LRRIQ1: variants seen among roughly 807,000 people sequenced by gnomAD.
LRRIQ1 encodes the protein leucine rich repeats and IQ motif containing 1, also known as leucine-rich repeat- and IQ domain-containing protein 1.
Under a neutral mutation model 211.9 loss-of-function variants are expected in LRRIQ1, and 210 were observed. The ratio of observed to expected loss-of-function variants is 0.99; its 90% CI spans 0.89 to 1.11. The LOEUF (loss-of-function observed/expected upper bound fraction) is 1.11. Ranked by LOEUF, LRRIQ1 falls within the 50% of genes most tolerant of loss-of-function variation. LRRIQ1 has a pLI of 0.00. For missense variants in LRRIQ1, 2,136 were observed against 1,939.5 expected, an observed-to-expected ratio of 1.10 and a Z score of -1.90; for synonymous variants, 699 against 650.1, an observed-to-expected ratio of 1.08 and a Z score of -1.14.
At chr12:85,190,513 A>G (rs1345826026) in intron 24 of LRRIQ1, among the ~76,000 whole-genome samples, 1 of 148,346 alleles carries the variant, frequency 6.7e-6, no homozygotes, top group Non-Finnish European at 1.5e-5. Flanking sequence ...TATGTGCATT[A>G]ATATAAGTGA....
At chr12:85,189,299 A>T (rs557402807) in intron 24 of LRRIQ1, among the ~76,000 whole-genome samples, 1 of 152,206 alleles carries the variant, frequency 6.6e-6, no homozygotes, top group East Asian at 1.9e-4. Context: ...CAGCTCTGGC[A>T]TTACTGTATT....
At position 85,229,513 on chromosome 12, in the gene LRRIQ1, A is replaced by G. The variant is rs769906419; in HGVS notation, c.4823-4A>G. 24 of 1,591,924 alleles carry G rather than the reference A, an allele frequency of 1.5e-5. No homozygotes were observed. The African/African-American group carries it at 3.1e-4, about 21-fold the overall frequency. On this transcript the variant is annotated splice_polypyrimidine_tract_variant and splice_region_variant and intron_variant, in intron 24 of 26. Transcript: ENST00000393217. ...TAAGTACACGTTCCATATTTCTTTCACAGGTATAGAAGAAGACCCTATCCA... is the reference window on the plus strand; with the variant it reads ...TAAGTACACGTTCCATATTTCTTTCGCAGGTATAGAAGAAGACCCTATCCA...
At chr12:85,252,400 G>C (rs891156415) in intron 1 of LRRIQ1, among the ~76,000 whole-genome samples, 3 of 151,748 alleles carry the variant, frequency 2.0e-5, no homozygotes, top group African/African-American at 7.3e-5. Context: ...AATTAAAGAC[G>C]CTGAGGAAGA....
intron 17 of LRRIQ1, among the ~76,000 whole-genome samples, chr12:85,127,554 GATACAAGATCTCT>G (rs1471172783): frequency 6.6e-6 from 1 of 152,050 alleles, no homozygotes. Flanking sequence ...TCCCCAGAAT[GATACAAGATCTCT>G]ATAAATCTCT....
chr12:85,086,760 A>G (rs1884866798), intron 11 of LRRIQ1, among the ~76,000 whole-genome samples: 1 of 152,024 alleles, frequency 6.6e-6, no homozygotes, highest in South Asian at 2.1e-4. Context: ...CAACAACTAG[A>G]AAGTGACAGA....
chr12:85,124,362 G>C lies in LRRIQ1; in HGVS notation c.3850G>C (p.Glu1284Gln). 1 of 1,614,086 alleles carries C rather than the reference G, an allele frequency of 6.2e-7. No homozygotes were observed. The highest frequency in any genetic ancestry group is 8.5e-7 in the Non-Finnish European group (1 of 1,180,036). The change falls in exon 17 of 27, where the codon GAA (glutamate) becomes CAA (glutamine). Residue 1284 changes from glutamate to glutamine, a missense_variant. Transcript: ENST00000393217. The part of the protein sequence containing the change: ...HSPLSKSATC[E>Q]NMEGRHQEIL... ...CCCATTAAGCAAATCCGCCACATGTGAAAATATGGAAGGAAGACATCAGGA... is the reference window on the plus strand; with the variant it reads ...CCCATTAAGCAAATCCGCCACATGTCAAAATATGGAAGGAAGACATCAGGA...
intron 24 of LRRIQ1, among the ~76,000 whole-genome samples, chr12:85,167,254 G>C (rs1459518408): frequency 1.3e-5 from 2 of 152,224 alleles, no homozygotes; most frequent in East Asian, 1.9e-4. Flanking sequence ...ATTAGTCAGG[G>C]TTCTCTAGAG....
intron 21 of LRRIQ1, 93 bp from the exon 22 acceptor site, chr12:85,153,570 C>A (rs1890364439): frequency 3.8e-6 from 3 of 781,194 alleles, no homozygotes; most frequent in Non-Finnish European, 6.0e-6. Context: ...GATTTTATTT[C>A]CAAGTTTGAG....
In LRRIQ1 at chr12:85,066,749, A is replaced by G; in HGVS notation, c.2546A>G (p.Glu849Gly). 1 of 1,581,110 alleles carries G rather than the reference A, an allele frequency of 6.3e-7. No individual in the cohort carries two copies. ...CKKLKYIDAQ[E>G]NHIEAIECEN... ...AATTACATTTGTTCTTTGCTTCAGG[A>G]AAACCATATTGAGGCTATTGAGTGT... is the stretch of plus-strand genomic sequence containing the variant. Residue 849 changes from glutamate to glycine, a missense_variant and splice_region_variant, in exon 10 of 27, where the codon GAA (glutamate) becomes GGA (glycine). Transcript: ENST00000393217.
chr12:85,212,157 C>T (rs978205575), intron 24 of LRRIQ1, among the ~76,000 whole-genome samples: 2 of 151,944 alleles, frequency 1.3e-5, no homozygotes, highest in Non-Finnish European at 2.9e-5. Flanking sequence ...TGGTGGCATG[C>T]ACCTGTAGTC....
At chr12:85,221,525 T>C (rs73365727) in intron 24 of LRRIQ1, among the ~76,000 whole-genome samples, 31,458 of 152,028 alleles carry the variant, frequency 0.21, 8,180 homozygotes, top group African/African-American at 0.62. Flanking sequence ...TTGGAATGAG[T>C]ATACCTAACC....
chr12:85,195,007 A>G (rs996706766), intron 24 of LRRIQ1, among the ~76,000 whole-genome samples: 6 of 152,226 alleles, frequency 3.9e-5, no homozygotes, highest in Non-Finnish European at 8.8e-5. Flanking sequence ...CACCGATCCC[A>G]CAGAAATACA....
chr12:85,176,032 A>T (rs1447114899), intron 24 of LRRIQ1, among the ~76,000 whole-genome samples: 2 of 151,970 alleles, frequency 1.3e-5, no homozygotes, highest in Non-Finnish European at 2.9e-5. Context: ...GTTTTTTCCA[A>T]TTCTGTGAAG....
In LRRIQ1 at chr12:85,244,909, A is replaced by T. The variant is rs1565926296; in HGVS notation, c.5137A>T (p.Ser1713Cys). ...QAHRHSAGSS[S>C]KLWFPSKLI Reference sequence around the variant, plus strand: ...ACACAGACACTCAGCAGGATCTTCAAGTAAGTTGTGGTTTCCTTCAAAATT... The same window carrying T: ...ACACAGACACTCAGCAGGATCTTCATGTAAGTTGTGGTTTCCTTCAAAATT... The change falls in exon 27 of 27, where the codon AGT (serine) becomes TGT (cysteine). Residue 1713 changes from serine (S) to cysteine (C), a missense_variant. Transcript: ENST00000393217. The T allele has an allele frequency of 2.5e-6, 4 of 1,611,224 alleles. No individual in the cohort carries two copies. Among genetic ancestry groups the T allele is most frequent in the Non-Finnish European group, 3.4e-6 (4 of 1,178,164 alleles).
intron 26 of LRRIQ1, among the ~76,000 whole-genome samples, chr12:85,236,015 CTA>C (rs1429291201): frequency 1.3e-5 from 2 of 152,078 alleles, no homozygotes; most frequent in African/African-American, 2.4e-5. Flanking sequence ...AGGAATAGAT[CTA>C]TGACTCTGTA....
chr12:85,168,696 C>G (rs970546282), intron 24 of LRRIQ1, among the ~76,000 whole-genome samples: 1 of 152,110 alleles, frequency 6.6e-6, no homozygotes, highest in African/African-American at 2.4e-5. Flanking sequence ...GACACTGATT[C>G]AGGGCATACA....
chr12:85,093,843 T>C (rs937574464), intron 11 of LRRIQ1, among the ~76,000 whole-genome samples: 1 of 152,196 alleles, frequency 6.6e-6, no homozygotes, highest in African/African-American at 2.4e-5. Flanking sequence ...GCCTCCTTTC[T>C]CCGAGCTGCT....
chr12:85,095,982 G>C (rs1252624320), intron 11 of LRRIQ1, among the ~76,000 whole-genome samples: 1 of 152,020 alleles, frequency 6.6e-6, no homozygotes, highest in East Asian at 1.9e-4. Context: ...AGGATATTTT[G>C]TATTTCTGTG....
intron 24 of LRRIQ1, among the ~76,000 whole-genome samples, chr12:85,189,477 TAAGA>T (rs1472030184): frequency 6.6e-6 from 1 of 152,006 alleles, no homozygotes; most frequent in African/African-American, 2.4e-5. Context: ...GAAGATTTTT[TAAGA>T]AAGGAAGTAT....
Sources: allele counts gnomAD v4.1 joint callset (sites outside exome capture counted in the v4.1 genomes callset), GRCh38; gene constraint gnomAD v4.1.1; transcripts MANE v1.5; gene names NCBI Gene and HGNC (gene_info 2026-07-23, HGNC 2026-07-21).